The following ABCC9 variants were observed in gnomAD, a reference collection of about 807,000 sequenced individuals.
The protein encoded by ABCC9 is ATP-binding cassette sub-family C member 9.
A neutral mutation model predicts 188.3 loss-of-function variants in ABCC9; 95 were observed. That is an observed-to-expected ratio of 0.50 (90% confidence interval 0.43 to 0.60). The LOEUF is 0.60. Ranked by LOEUF, ABCC9 falls within the 20% of genes least tolerant of loss-of-function variation. The pLI is 0.00. For missense variants in ABCC9, 1,102 were observed against 1,876.3 expected (o/e 0.59, Z 7.62); for synonymous variants, 659 against 652.7 (o/e 1.01, Z -0.15).
chr12:21,841,512 C>T (rs1010236781), intron 29 of ABCC9, among the ~76,000 whole-genome samples: 13 of 151,756 alleles, frequency 8.6e-5, no homozygotes, highest in African/African-American at 3.1e-4. Flanking sequence ...GCGGGTGCCA[C>T]CACGCCTGGC....
chr12:21,849,490 G>A (rs1268114042), intron 24 of ABCC9, among the ~76,000 whole-genome samples: 8 of 151,954 alleles, frequency 5.3e-5, no homozygotes. Context: ...TCCCTGTCTT[G>A]TGCATATCAT....
At chr12:21,871,752 T>A (rs1471817592) in intron 18 of ABCC9, among the ~76,000 whole-genome samples, 1 of 152,130 alleles carries the variant, frequency 6.6e-6, no homozygotes, top group African/African-American at 2.4e-5. Context: ...CTGGCCTCTA[T>A]CCACCAGGCC....
intron 17 of ABCC9, among the ~76,000 whole-genome samples, chr12:21,875,222 A>C (rs972083011): frequency 3.9e-5 from 6 of 152,338 alleles, no homozygotes; most frequent in Non-Finnish European, 8.8e-5. Flanking sequence ...ATTTTTATGG[A>C]TCAATTACAC....
In ABCC9 at chr12:21,815,683, A is replaced by G. The variant is rs1942564786; in HGVS notation, c.4023+80T>C. The G allele has an allele frequency of 4.5e-6, 7 of 1,556,078 alleles. No homozygotes were observed. The Admixed American group carries it at 6.7e-5, about 15-fold the overall frequency. ...GAATATACTTACTTGGCTGGGAAGT[A>G]TGAAGAGCTTAGGTAGTAAAAAAGC... On this transcript the variant is annotated intron_variant, in intron 34 of 39. Transcript: ENST00000261200.
At chr12:21,828,188 A>T (rs1256994664) in intron 31 of ABCC9, among the ~76,000 whole-genome samples, 1 of 152,246 alleles carries the variant, frequency 6.6e-6, no homozygotes, top group Non-Finnish European at 1.5e-5. Context: ...TCCGGATCGC[A>T]CAGACTACAA....
chr12:21,814,182 A>G (rs540106396), intron 35 of ABCC9, among the ~76,000 whole-genome samples: 35 of 152,200 alleles, frequency 2.3e-4, no homozygotes, highest in South Asian at 6.2e-4. Flanking sequence ...AAAACGTTCA[A>G]TGTCATTAAG....
intron 14 of ABCC9, 41 bp from the exon 15 acceptor site, chr12:21,887,975 AACC>A (rs1475819456): frequency 2.1e-6 from 3 of 1,431,134 alleles, no homozygotes. Context: ...TTAACAATAA[AACC>A]ACCACCAACA....
At chr12:21,870,579 A>G (rs532858085) in intron 18 of ABCC9, among the ~76,000 whole-genome samples, 1 of 152,162 alleles carries the variant, frequency 6.6e-6, no homozygotes, top group East Asian at 1.9e-4. Context: ...GCTCTCTCCA[A>G]AAAGAGAAAA....
chr12:21,939,417 T>G (rs1316034686), intron 2 of ABCC9, among the ~76,000 whole-genome samples: 2 of 152,180 alleles, frequency 1.3e-5, no homozygotes, highest in African/African-American at 4.8e-5. Flanking sequence ...ATATTGATAA[T>G]TATTGTGTTT....
intron 38 of ABCC9, among the ~76,000 whole-genome samples, chr12:21,806,346 C>G (rs1941841858): frequency 6.6e-6 from 1 of 152,164 alleles, no homozygotes; most frequent in Admixed American, 6.5e-5. Flanking sequence ...TATCAAAGTG[C>G]TCACTTGAGT....
intron 12 of ABCC9, among the ~76,000 whole-genome samples, chr12:21,902,717 A>G (rs1320479287): frequency 6.6e-6 from 1 of 152,222 alleles, no homozygotes; most frequent in Non-Finnish European, 1.5e-5. Flanking sequence ...TCCTGGACAC[A>G]TACAGCCTCC....
At chr12:21,829,096 C>T (rs1268597462) in intron 30 of ABCC9, 36 bp from the exon 31 acceptor site, 1 of 1,442,594 alleles carries the variant, frequency 6.9e-7, no homozygotes, top group East Asian at 2.4e-5. Context: ...AACCACACAA[C>T]AGGAGAGGTA....
At position 21,798,718 on chromosome 12, in the gene ABCC9, A is replaced by G. The variant is rs1002466528; in HGVS notation, c.*2326T>C. Reference sequence around the variant, plus strand: ...TCCTCAGGGATCTAGAACTAGAAATACCATTTGACCCAGCCATCCCATTAC... The same window carrying G: ...TCCTCAGGGATCTAGAACTAGAAATGCCATTTGACCCAGCCATCCCATTAC... On this transcript the variant is annotated 3_prime_UTR_variant, in exon 40 of 40. Coordinates refer to ENST00000261200, the MANE Select transcript of ABCC9 (RefSeq NM_020297.4). The G allele has an allele frequency of 3.3e-5, 5 of 151,518 alleles. No individual in the cohort carries two copies. The highest frequency in any genetic ancestry group is 7.4e-5 in the Non-Finnish European group (5 of 67,936). The allele number at this position is 151,518 out of a possible 1,614,324, so 9.4% of individuals were successfully genotyped here.
intron 31 of ABCC9, among the ~76,000 whole-genome samples, chr12:21,828,751 C>T (rs1943538643): frequency 6.6e-6 from 1 of 152,106 alleles, no homozygotes; most frequent in Non-Finnish European, 1.5e-5. Context: ...TGAATTTTTG[C>T]TTTTTGGGCT....
chr12:21,833,087 A>T (rs1943866946), intron 30 of ABCC9, among the ~76,000 whole-genome samples: 1 of 152,190 alleles, frequency 6.6e-6, no homozygotes. Context: ...ATGCAAAGGC[A>T]TAAGAATGAT....
intron 5 of ABCC9, chr12:21,923,089 A>G (rs1012783543): frequency 6.6e-6 from 1 of 151,416 alleles, no homozygotes; most frequent in Non-Finnish European, 1.5e-5. Context: ...CTTGGAAAAA[A>G]AAAAAAAAGA....
At chr12:21,885,441 C>CA (rs1264332010) in intron 15 of ABCC9, among the ~76,000 whole-genome samples, 3 of 151,960 alleles carry the variant, frequency 2.0e-5, no homozygotes, top group African/African-American at 7.2e-5. Flanking sequence ...ACATCTCATA[C>CA]AAAAAAATTC....
At chr12:21,915,368 A>ATG (rs1162301497) in intron 7 of ABCC9, among the ~76,000 whole-genome samples, 1 of 142,774 alleles carries the variant, frequency 7.0e-6, no homozygotes, top group African/African-American at 2.6e-5. Flanking sequence ...ATGTGTATAT[A>ATG]TGTGTGTATA....
intron 29 of ABCC9, 47 bp downstream of exon 29, chr12:21,842,267 G>T (rs925498374): frequency 6.3e-7 from 1 of 1,591,282 alleles, no homozygotes; most frequent in Non-Finnish European, 8.6e-7. Context: ...AGAGAGGGCT[G>T]ACTGTAGATA....
Sources: allele counts gnomAD v4.1 joint callset (sites outside exome capture counted in the v4.1 genomes callset), GRCh38; gene constraint gnomAD v4.1.1; transcripts MANE v1.5; gene names NCBI Gene and HGNC (gene_info 2026-07-23, HGNC 2026-07-21).